SLC44A5: variants seen among roughly 807,000 people sequenced by gnomAD.
SLC44A5 encodes choline transporter-like protein 5.
A neutral mutation model predicts 101.8 loss-of-function variants in SLC44A5; 57 were observed. The ratio of observed to expected loss-of-function variants is 0.56; its 90% confidence interval spans 0.45 to 0.70. SLC44A5 has a LOEUF of 0.70. Ranked by LOEUF, SLC44A5 falls within the 30% of genes least tolerant of loss-of-function variation. SLC44A5 has a pLI of 0.00. For synonymous variants in SLC44A5, 281 were observed against 290.9 expected (o/e 0.97, Z 0.35); for missense variants, 737 against 853.1 (o/e 0.86, Z 1.70).
At chr1:75,594,704 C>A (rs1045536187) in intron 1 of SLC44A5, among the ~76,000 whole-genome samples, 2 of 151,200 alleles carry the variant, frequency 1.3e-5, no homozygotes, top group Non-Finnish European at 3.0e-5. Context: ...AATTAGCTAA[C>A]ATTTATGAAG....
chr1:75,669,978 A>G, the SLC44A5 span, among the ~76,000 whole-genome samples: 3 of 152,220 alleles, frequency 2.0e-5, no homozygotes, highest in Admixed American at 6.5e-5. Context: ...TTAAAAATGT[A>G]TAACATGAGA....
At chr1:75,434,175 G>T (rs932232086) in intron 2 of SLC44A5, among the ~76,000 whole-genome samples, 1 of 151,956 alleles carries the variant, frequency 6.6e-6, no homozygotes, top group African/African-American at 2.4e-5. Flanking sequence ...CATCCTCCTG[G>T]TTACATAGTT....
chr1:75,319,156 T>C (rs1655946433), intron 4 of SLC44A5, among the ~76,000 whole-genome samples: 1 of 152,190 alleles, frequency 6.6e-6, no homozygotes, highest in Non-Finnish European at 1.5e-5. Context: ...CATATGATTC[T>C]GTAAAGACTT....
the SLC44A5 span, among the ~76,000 whole-genome samples, chr1:75,698,462 C>T: frequency 3.9e-5 from 6 of 152,176 alleles, no homozygotes; most frequent in African/African-American, 7.2e-5. Context: ...AGAAGGAAAA[C>T]TAACAAACAG....
intron 2 of SLC44A5, among the ~76,000 whole-genome samples, chr1:75,519,366 T>C (rs890370314): frequency 1.3e-5 from 2 of 152,150 alleles, no homozygotes; most frequent in Non-Finnish European, 2.9e-5. Flanking sequence ...GAGACCACCC[T>C]GGCCAACATG....
chr1:75,455,942 C>A (rs1279026131), intron 2 of SLC44A5, among the ~76,000 whole-genome samples: 2 of 152,148 alleles, frequency 1.3e-5, no homozygotes, highest in African/African-American at 4.8e-5. Context: ...CTGTGGAAAG[C>A]AGTTTGGAGA....
chr1:75,695,775 T>C, the SLC44A5 span, among the ~76,000 whole-genome samples: 3 of 148,248 alleles, frequency 2.0e-5, no homozygotes, highest in Non-Finnish European at 4.5e-5. Flanking sequence ...ATAAATAAAA[T>C]AGTATTCATG....
intron 2 of SLC44A5, among the ~76,000 whole-genome samples, chr1:75,461,201 C>T (rs190186208): frequency 4.5e-4 from 69 of 152,320 alleles, no homozygotes; most frequent in African/African-American, 1.4e-3. Context: ...AAAGAGATCT[C>T]TTCTCTGATG....
intron 12 of SLC44A5, among the ~76,000 whole-genome samples, chr1:75,231,550 T>C (rs892165036): frequency 1.3e-5 from 2 of 152,188 alleles, no homozygotes; most frequent in Admixed American, 1.3e-4. Context: ...GGACTTCAAG[T>C]CCTCTTTCCT....
chr1:75,375,753 T>C (rs1345956773), intron 3 of SLC44A5, among the ~76,000 whole-genome samples: 1 of 152,152 alleles, frequency 6.6e-6, no homozygotes, highest in Non-Finnish European at 1.5e-5. Flanking sequence ...CCAAACTAAT[T>C]TTCATAACAG....
the SLC44A5 span, among the ~76,000 whole-genome samples, chr1:75,678,112 A>G: frequency 1.3e-5 from 2 of 152,084 alleles, no homozygotes; most frequent in African/African-American, 4.8e-5. Context: ...GGAGGGTCCT[A>G]CCCCACGGAG....
intron 1 of SLC44A5, among the ~76,000 whole-genome samples, chr1:75,563,842 A>C (rs1022172283): frequency 6.6e-6 from 1 of 152,208 alleles, no homozygotes; most frequent in African/African-American, 2.4e-5. Context: ...AATCACACAA[A>C]AAGCTTATGA....
intron 11 of SLC44A5, among the ~76,000 whole-genome samples, chr1:75,234,705 C>T (rs1479230680): frequency 6.6e-6 from 1 of 151,968 alleles, no homozygotes. Context: ...ATCTGTGGGC[C>T]ATTATTTGGA....
chr1:75,689,213 T>C, the SLC44A5 span, among the ~76,000 whole-genome samples: 2 of 152,134 alleles, frequency 1.3e-5, no homozygotes, highest in Non-Finnish European at 2.9e-5. Context: ...CATATTCCAA[T>C]ACGGGGATGA....
intron 5 of SLC44A5, among the ~76,000 whole-genome samples, chr1:75,295,575 A>C (rs1367214168): frequency 6.6e-6 from 1 of 152,184 alleles, no homozygotes; most frequent in Admixed American, 6.5e-5. Context: ...AGGGCCTAAG[A>C]GTAAGGGCTG....
intron 15 of SLC44A5, 41 bp downstream of exon 15, chr1:75,219,759 T>C: frequency 3.1e-6 from 4 of 1,283,546 alleles, no homozygotes; most frequent in Non-Finnish European, 3.4e-6. Context: ...CGAGTAGTCA[T>C]GTGAACCTGA....
intron 2 of SLC44A5, among the ~76,000 whole-genome samples, chr1:75,466,057 GAA>G (rs1010213605): frequency 3.9e-5 from 6 of 151,952 alleles, no homozygotes; most frequent in East Asian, 1.9e-4. Flanking sequence ...ATCCAAATCA[GAA>G]AAAGAGACAT....
At chr1:75,400,805 C>A (rs1309619284) in intron 2 of SLC44A5, among the ~76,000 whole-genome samples, 4 of 152,208 alleles carry the variant, frequency 2.6e-5, no homozygotes, top group Non-Finnish European at 5.9e-5. Context: ...TTGACTATGT[C>A]TGTGAGTAGA....
At chr1:75,425,642 G>A (rs932556907) in intron 2 of SLC44A5, among the ~76,000 whole-genome samples, 1 of 152,158 alleles carries the variant, frequency 6.6e-6, no homozygotes, top group African/African-American at 2.4e-5. Flanking sequence ...AGAGAGTAAA[G>A]ACCATGGGTA....
Sources: gnomAD v4.1 joint callset for allele counts (sites outside exome capture counted in the v4.1 genomes callset) on GRCh38, gnomAD v4.1.1 for gene constraint, MANE v1.5 for transcripts, NCBI Gene and HGNC (gene_info 2026-07-23, HGNC 2026-07-21) for gene names.